Variants in CDH4 observed in about 807,000 individuals in gnomAD.
CDH4 encodes cadherin-4.
CDH4 carries 33 observed loss-of-function variants against 86.0 expected under a neutral mutation model. The observed-to-expected ratio is 0.38, with a 90% CI of 0.29 to 0.51. The LOEUF (loss-of-function observed/expected upper bound fraction) is 0.51. CDH4 is among the 20% of genes least tolerant of loss of function. The probability of loss-of-function intolerance (pLI) is 0.86; values close to 1 mark genes in which losing one functional copy is unlikely to be tolerated. For missense variants in CDH4, 1,114 were observed against 1,307.4 expected, an observed-to-expected ratio of 0.85 and a Z score of 2.28; for synonymous variants, 555 against 549.4, an observed-to-expected ratio of 1.01 and a Z score of -0.14.
At chr20:61,401,857 AAAG>A (rs1295903729) in intron 2 of CDH4, among the ~76,000 whole-genome samples, 9 of 152,196 alleles carry the variant, frequency 5.9e-5, no homozygotes, top group Non-Finnish European at 1.0e-4. Flanking sequence ...GAGGCCCATG[AAAG>A]AAGGAGAAGG....
At chr20:61,534,731 C>T (rs140287187) in intron 2 of CDH4, among the ~76,000 whole-genome samples, 13 of 138,030 alleles carry the variant, frequency 9.4e-5, no homozygotes, top group East Asian at 4.7e-4. Flanking sequence ...GTCAACCCGA[C>T]GGCCTCCCTT....
rs576466963 is a variant in CDH4, at chr20:61,544,698, C to T, written c.170-198865C>T. Among the ~76,000 whole-genome samples the T allele has an allele frequency of 2.1e-4, 32 of 152,206 alleles. No homozygotes were observed. The South Asian group carries it at 6.6e-3, about 32-fold the overall frequency. ...TTGACCACACTCCTGCCTTCTGCCA[C>T]AGTTGCAGTTTGGGATAATTTTGGT... On this transcript the variant is annotated intron_variant, in intron 2 of 15. Coordinates refer to ENST00000614565, the MANE Select transcript of CDH4 (RefSeq NM_001794.5). The surrounding 1 kb of genome is among the most constrained non-coding windows in gnomAD (Gnocchi z 6.5).
intron 2 of CDH4, among the ~76,000 whole-genome samples, chr20:61,625,540 C>A (rs1600817127): frequency 6.6e-6 from 1 of 152,112 alleles, no homozygotes; most frequent in African/African-American, 2.4e-5. Context: ...ATCTGCTTAT[C>A]ATGAGAACAA....
At chr20:61,333,735 A>T (rs565975267) in intron 2 of CDH4, among the ~76,000 whole-genome samples, 1 of 152,366 alleles carries the variant, frequency 6.6e-6, no homozygotes, top group South Asian at 2.1e-4. Flanking sequence ...GGCGAAGAGC[A>T]TCGTGATGTG....
intron 2 of CDH4, among the ~76,000 whole-genome samples, chr20:61,382,020 G>A (rs2084904760): frequency 1.3e-5 from 2 of 151,846 alleles, no homozygotes; most frequent in African/African-American, 4.8e-5. Context: ...AAGTTGCAGT[G>A]AGCTGAGACC....
chr20:61,755,271 C>CCA lies in CDH4; in HGVS notation c.396+11496_396+11497dup, dbSNP rs571056841. 1.8e-3 allele frequency among the ~76,000 whole-genome samples: 268 copies of CCA among 148,500 alleles called. 3 individuals carry two copies. Among genetic ancestry groups the CCA allele is most frequent in the African/African-American group, 6.1e-3 (244 of 40,190 alleles). On this transcript the variant is annotated intron_variant, in intron 3 of 15. Coordinates refer to ENST00000614565, the MANE Select transcript of CDH4 (RefSeq NM_001794.5). ...GGGACACAGCCAAACCATATCAATACCACACACACACACACGCCCCACACA... is the reference window on the plus strand; with the variant it reads ...GGGACACAGCCAAACCATATCAATACCACACACACACACACACGCCCCACACA...
At chr20:61,302,494 G>GT (rs368994178) in intron 2 of CDH4, among the ~76,000 whole-genome samples, 1 of 143,512 alleles carries the variant, frequency 7.0e-6, no homozygotes, top group Non-Finnish European at 1.5e-5. Flanking sequence ...GTTGGGGGGG[G>GT]TCTGTTGTCA....
chr20:61,783,548 C>T (rs376718814), intron 4 of CDH4, among the ~76,000 whole-genome samples: 1 of 146,152 alleles, frequency 6.8e-6, no homozygotes, highest in East Asian at 2.1e-4. Context: ...CCTCCGATAT[C>T]CTGTGCCCCT....
At chr20:61,589,806 C>T (rs917074181) in intron 2 of CDH4, among the ~76,000 whole-genome samples, 1 of 150,030 alleles carries the variant, frequency 6.7e-6, no homozygotes, top group Admixed American at 6.6e-5. Flanking sequence ...TACCCTAAAA[C>T]TTAAAGTATA....
At chr20:61,619,748 A>G (rs2086754508) in intron 2 of CDH4, among the ~76,000 whole-genome samples, 1 of 152,192 alleles carries the variant, frequency 6.6e-6, no homozygotes, top group Admixed American at 6.5e-5. Context: ...TGAGTTTTCC[A>G]CACAAAGAGG....
In CDH4 at chr20:61,661,443, GC is replaced by G. The variant is rs893991334; in HGVS notation, c.170-82117del. 4.7e-5 allele frequency among the ~76,000 whole-genome samples: 7 copies of G among 147,658 alleles called. No homozygotes were observed. In the East Asian group the frequency reaches 1.4e-3, roughly 30 times the overall value. ...TAGAACAAGGTGGTGCTCTCAGATA[GC>G]CCTTTAAGTGGGCTTTGCTTTCTGA... On this transcript the variant is annotated intron_variant, in intron 2 of 15. Coordinates refer to ENST00000614565, the MANE Select transcript of CDH4 (RefSeq NM_001794.5).
intron 2 of CDH4, among the ~76,000 whole-genome samples, chr20:61,667,145 G>A (rs2087334844): frequency 6.6e-6 from 1 of 152,200 alleles, no homozygotes; most frequent in African/African-American, 2.4e-5. Flanking sequence ...CAAAGAAGGG[G>A]CCGGTCAAGC....
chr20:61,583,468 AGACC>A (rs2086447320), intron 2 of CDH4, among the ~76,000 whole-genome samples: 1 of 152,076 alleles, frequency 6.6e-6, no homozygotes, highest in African/African-American at 2.4e-5. Context: ...CGTTCTGTGC[AGACC>A]ATTCCCTGGG....
intron 2 of CDH4, among the ~76,000 whole-genome samples, chr20:61,667,077 C>T (rs2145839978): frequency 6.6e-6 from 1 of 152,362 alleles, no homozygotes; most frequent in African/African-American, 2.4e-5. Context: ...TCATAAGCTG[C>T]ACCCAGGGTC....
In CDH4 at chr20:61,811,682, C is replaced by CTTT. The variant is rs372708280; in HGVS notation, c.577-32970_577-32968dup. Among the ~76,000 whole-genome samples the CTTT allele has an allele frequency of 1.6e-5, 2 of 127,492 alleles. No individual in the cohort carries two copies. The highest frequency in any genetic ancestry group is 2.9e-5 in the African/African-American group (1 of 34,466). 83.6% of individuals were successfully genotyped at this position (127,492 alleles called of 152,430 possible). A position where few individuals can be genotyped will look rare whatever the true frequency, so the allele number is the denominator to read the frequency against. On this transcript the variant is annotated intron_variant, in intron 4 of 15. Transcript: ENST00000614565. The surrounding 1 kb of genome is among the most constrained non-coding windows in gnomAD (Gnocchi z 4.4). Reference sequence around the variant, plus strand: ...GTCACGCCCCTGGCTGCCTACTGAGCTTTTTTTTTTTTTTTTTTGAGTTGG... The same window carrying CTTT: ...GTCACGCCCCTGGCTGCCTACTGAGCTTTTTTTTTTTTTTTTTTTTTGAGTTGG...
Position 61,624,204 on chromosome 20 carries a change from C to T in CDH4, c.170-119359C>T, listed in dbSNP as rs2086807015. 3.3e-5 allele frequency among the ~76,000 whole-genome samples: 5 copies of T among 152,316 alleles called. No individual in the cohort carries two copies. The South Asian group carries it at 1.0e-3, about 32-fold the overall frequency. On this transcript the variant is annotated intron_variant, in intron 2 of 15. Transcript: ENST00000614565. ...CAAAGCCGTCGTGCTAGGCCATGCT[C>T]ACCTGGGGACCTCACCTCAGGAATC...
intron 2 of CDH4, among the ~76,000 whole-genome samples, chr20:61,557,560 G>T (rs1271514629): frequency 6.6e-6 from 1 of 152,216 alleles, no homozygotes; most frequent in Non-Finnish European, 1.5e-5. Flanking sequence ...GTTTCTTCTT[G>T]TGATAGCTGT....
intron 2 of CDH4, chr20:61,436,561 T>C (rs554018662): frequency 6.6e-6 from 1 of 152,550 alleles, no homozygotes; most frequent in East Asian, 1.9e-4. Flanking sequence ...CCCTCTGTCA[T>C]GGAGTCAGCA....
At position 61,754,794 on chromosome 20, in the gene CDH4, G is replaced by T. The variant is rs889581087; in HGVS notation, c.396+11005G>T. Among the ~76,000 whole-genome samples, 1 of 135,702 alleles carries T rather than the reference G, an allele frequency of 7.4e-6. No individual in the cohort carries two copies. Among genetic ancestry groups the T allele is most frequent in the Admixed American group, 7.4e-5 (1 of 13,528 alleles). The allele number at this position is 135,702 out of a possible 152,430, so 89.0% of individuals were successfully genotyped here. ...CACACACACCACACACACACTGCAC[G>T]CCACACACACCACACACACGATGCA... On this transcript the variant is annotated intron_variant, in intron 3 of 15. Transcript: ENST00000614565. This position sits in a 1 kb window ranked among gnomAD's most constrained non-coding sequence, Gnocchi z 4.7.
Sources: allele counts gnomAD v4.1 joint callset (sites outside exome capture counted in the v4.1 genomes callset), GRCh38; gene constraint gnomAD v4.1.1; non-coding constraint Gnocchi (gnomAD v3.1); transcripts MANE v1.5; gene names NCBI Gene and HGNC (gene_info 2026-07-23, HGNC 2026-07-21).